Variants in RCL1 observed in about 807,000 individuals in gnomAD.
RCL1 encodes RNA 3'-terminal phosphate cyclase-like protein.
Under a neutral mutation model 42.4 loss-of-function variants are expected in RCL1, and 24 were observed. The ratio of observed to expected loss-of-function variants is 0.57; its 90% CI spans 0.41 to 0.80. RCL1 has a LOEUF of 0.80. Ranked by LOEUF, RCL1 falls within the 30% of genes least tolerant of loss-of-function variation. The pLI is 0.00. For missense variants in RCL1, 578 were observed against 467.9 expected (o/e 1.24, Z -2.17); for synonymous variants, 228 against 177.3 (o/e 1.29, Z -2.27).
intron 5 of RCL1, among the ~76,000 whole-genome samples, chr9:4,834,635 A>C (rs1817062026): frequency 6.6e-6 from 1 of 152,166 alleles, no homozygotes; most frequent in Non-Finnish European, 1.5e-5. Context: ...GAAAACACAC[A>C]GTTCTGATAT....
chr9:4,824,631 A>G (rs1449868126), intron 2 of RCL1, among the ~76,000 whole-genome samples: 1 of 152,020 alleles, frequency 6.6e-6, no homozygotes, highest in Non-Finnish European at 1.5e-5. Flanking sequence ...TTAACTCTCT[A>G]CCTTTCCGCA....
At chr9:4,803,499 C>T (rs1843041300) in intron 1 of RCL1, among the ~76,000 whole-genome samples, 1 of 152,102 alleles carries the variant, frequency 6.6e-6, no homozygotes, top group East Asian at 1.9e-4. Context: ...CCACAACTTC[C>T]AGTCACCTGC....
chr9:4,858,748 A>T (rs1003476888), intron 8 of RCL1, among the ~76,000 whole-genome samples: 7 of 100,708 alleles, frequency 7.0e-5, no homozygotes, highest in Non-Finnish European at 1.3e-4. Flanking sequence ...TGTGCAGTCG[A>T]GATTGAGAAC....
chr9:4,823,059 G>C (rs1816647852), intron 1 of RCL1, among the ~76,000 whole-genome samples: 1 of 152,134 alleles, frequency 6.6e-6, no homozygotes, highest in Non-Finnish European at 1.5e-5. Flanking sequence ...TTTGCTGAAA[G>C]GCAGAGATAG....
At chr9:4,798,220 C>T (rs984700433) in intron 1 of RCL1, among the ~76,000 whole-genome samples, 3 of 152,318 alleles carry the variant, frequency 2.0e-5, no homozygotes, top group East Asian at 3.9e-4. Context: ...CAAAGTGCCT[C>T]TATCTCTGGA....
chr9:4,830,420 C>T (rs1364419799), intron 3 of RCL1, among the ~76,000 whole-genome samples: 7 of 152,066 alleles, frequency 4.6e-5, no homozygotes, highest in Non-Finnish European at 8.8e-5. Context: ...GGATTGAAAA[C>T]AGAGGTGATG....
Position 4,852,030 on chromosome 9 carries a change from C to T in RCL1, c.971+2480C>T, listed in dbSNP as rs537072338. ...CCGAGTAGCTGGGACTACAGGCACC[C>T]GCCACCGTGCCTGGCTAATTTTTTG... On this transcript the variant is annotated intron_variant, in intron 8 of 8. Transcript: ENST00000381750. 1.1e-4 allele frequency among the ~76,000 whole-genome samples: 16 copies of T among 152,108 alleles called. No homozygotes were observed. In the South Asian group the frequency reaches 2.9e-3, roughly 28 times the overall value.
In RCL1 at chr9:4,855,932, GA is replaced by G. The variant is rs1458566942; in HGVS notation, c.972-4192del. 2.6e-5 allele frequency among the ~76,000 whole-genome samples: 4 copies of G among 152,188 alleles called. No individual in the cohort carries two copies. The East Asian group carries it at 7.7e-4, about 29-fold the overall frequency. ...TTCTCCAAGAGATCAGAAGCAAGCT[GA>G]GGGCCCGTAGAAATTCTGCCAGCTG... On this transcript the variant is annotated intron_variant, in intron 8 of 8. Transcript: ENST00000381750.
intron 1 of RCL1, among the ~76,000 whole-genome samples, chr9:4,814,786 G>T (rs1816313380): frequency 6.6e-6 from 1 of 151,970 alleles, no homozygotes; most frequent in African/African-American, 2.4e-5. Flanking sequence ...GGACCTTCTT[G>T]AGCATTTCTT....
chr9:4,855,087 C>G (rs1817900581), intron 8 of RCL1, among the ~76,000 whole-genome samples: 1 of 148,300 alleles, frequency 6.7e-6, no homozygotes, highest in Non-Finnish European at 1.5e-5. Flanking sequence ...GAAAAGTTAT[C>G]TCTGTGCTCC....
chr9:4,824,918 T>G (rs1338578426), intron 2 of RCL1, among the ~76,000 whole-genome samples: 1 of 152,200 alleles, frequency 6.6e-6, no homozygotes, highest in African/African-American at 2.4e-5. Context: ...TATTCTTTTT[T>G]TGTGTCTGTG....
At chr9:4,855,614 T>C (rs1022786433) in intron 8 of RCL1, among the ~76,000 whole-genome samples, 3 of 152,194 alleles carry the variant, frequency 2.0e-5, no homozygotes, top group African/African-American at 7.2e-5. Flanking sequence ...GGAGGCTGTT[T>C]GCTGGGATTT....
intron 7 of RCL1, among the ~76,000 whole-genome samples, chr9:4,848,323 A>G (rs1817590183): frequency 6.6e-6 from 1 of 152,258 alleles, no homozygotes; most frequent in African/African-American, 2.4e-5. Context: ...CATAAAGGCT[A>G]GCAGTAAGAT....
intron 5 of RCL1, among the ~76,000 whole-genome samples, chr9:4,835,741 G>A (rs868119000): frequency 6.6e-6 from 1 of 152,244 alleles, no homozygotes; most frequent in South Asian, 2.1e-4. Context: ...ACCAATGGAA[G>A]CATTTGGCCG....
chr9:4,809,888 C>T (rs1480743008), intron 1 of RCL1, among the ~76,000 whole-genome samples: 11 of 152,268 alleles, frequency 7.2e-5, no homozygotes, highest in Admixed American at 6.5e-4. Flanking sequence ...GTGATCTTGG[C>T]TCACTGCAAC....
intron 5 of RCL1, among the ~76,000 whole-genome samples, chr9:4,835,631 T>C (rs922432376): frequency 6.6e-6 from 1 of 152,184 alleles, no homozygotes; most frequent in African/African-American, 2.4e-5. Context: ...TTGAGTGTTT[T>C]TGTAGGTTGT....
intron 1 of RCL1, among the ~76,000 whole-genome samples, chr9:4,813,548 A>C (rs202174854): frequency 6.6e-6 from 1 of 152,226 alleles, no homozygotes; most frequent in Non-Finnish European, 1.5e-5. Context: ...ACAGGTGCTG[A>C]AGAGGATGTG....
intron 8 of RCL1, among the ~76,000 whole-genome samples, chr9:4,854,914 G>A (rs1467010744): frequency 6.6e-6 from 1 of 152,014 alleles, no homozygotes; most frequent in African/African-American, 2.4e-5. Flanking sequence ...TTAGCCGGGC[G>A]TGGTGGCACA....
chr9:4,846,841 C>T (rs1326848185), intron 7 of RCL1, among the ~76,000 whole-genome samples: 1 of 151,932 alleles, frequency 6.6e-6, no homozygotes, highest in African/African-American at 2.4e-5. Flanking sequence ...AAAGCACCTA[C>T]CACTCCACAA....
Sources: allele counts gnomAD v4.1 joint callset (sites outside exome capture counted in the v4.1 genomes callset), GRCh38; gene constraint gnomAD v4.1.1; transcripts MANE v1.5; gene names NCBI Gene and HGNC (gene_info 2026-07-23, HGNC 2026-07-21).